Variants in CD99 observed in about 807,000 individuals in gnomAD.
CD99 encodes CD99 molecule (Xg blood group).
Under a neutral mutation model 28.4 loss-of-function variants are expected in CD99, and 19 were observed. That is an observed-to-expected ratio of 0.67 (90% confidence interval 0.47 to 0.98). CD99 has a LOEUF of 0.98. CD99 is among the 50% of genes least tolerant of loss of function. The pLI is 0.00. For missense variants in CD99, 283 were observed against 248.8 expected, an observed-to-expected ratio of 1.14 and a Z score of -0.92; for synonymous variants, 103 against 92.1, an observed-to-expected ratio of 1.12 and a Z score of -0.67.
chrX:2,725,312 C>G lies in CD99; in HGVS notation c.362-948C>G, dbSNP rs2049217097. Among the ~76,000 whole-genome samples, 6 of 151,890 alleles carry G rather than the reference C, an allele frequency of 4.0e-5. No homozygotes were observed. The South Asian group carries it at 1.3e-3, about 32-fold the overall frequency. ...ACTCGGAAGGCTGAAGTGGGAGGAT[C>G]TCATGAGCCCAGGAGTTTGAGATTG... On this transcript the variant is annotated intron_variant, in intron 7 of 9. Coordinates refer to ENST00000381192, the MANE Select transcript of CD99 (RefSeq NM_002414.5).
Position 2,717,044 on chromosome X carries a change from C to G in CD99, c.101-561C>G, listed in dbSNP as rs771894591. On this transcript the variant is annotated intron_variant, in intron 2 of 9. Coordinates refer to ENST00000381192, the MANE Select transcript of CD99 (RefSeq NM_002414.5). ...CTTATGTCTCAGTCATAGTCCCATT[C>G]AACGTCAAGAAGTGGAGAAGGGCTG... Among the ~76,000 whole-genome samples, 71 of 152,240 alleles carry G rather than the reference C, an allele frequency of 4.7e-4. 1 individual carries two copies. The highest frequency in any genetic ancestry group is 1.2e-3 in the African/African-American group (51 of 41,572).
intron 8 of CD99, chrX:2,737,867 T>A (rs2050023704): frequency 2.1e-6 from 1 of 481,374 alleles, no homozygotes. Flanking sequence ...CACGTACTTT[T>A]TTTTTTTTTA....
rs535712341 is a variant in CD99, at chrX:2,695,409, T to G, written c.67+3982T>G. On this transcript the variant is annotated intron_variant, in intron 1 of 9. Transcript: ENST00000381192. ...TAGTAGAGAAGGGGTTTCACTATGT[T>G]GACCAGGCTGAAAAATATTTTTTTG... Among the ~76,000 whole-genome samples, 8 of 152,138 alleles carry G rather than the reference T, an allele frequency of 5.3e-5. No homozygotes were observed. In the East Asian group the frequency reaches 1.5e-3, roughly 29 times the overall value.
At chrX:2,705,729 C>T (rs2048081164) in intron 1 of CD99, among the ~76,000 whole-genome samples, 1 of 152,094 alleles carries the variant, frequency 6.6e-6, no homozygotes, top group Non-Finnish European at 1.5e-5. Context: ...CGCTTTGTGC[C>T]CTGTGACCGA....
At chrX:2,718,711 C>T (rs954928386) in intron 3 of CD99, among the ~76,000 whole-genome samples, 2 of 152,142 alleles carry the variant, frequency 1.3e-5, no homozygotes, top group South Asian at 2.1e-4. Context: ...ACGAGGTCCA[C>T]GTGATGGAAT....
At chrX:2,732,268 C>T (rs1436849900) in intron 8 of CD99, among the ~76,000 whole-genome samples, 1 of 152,044 alleles carries the variant, frequency 6.6e-6, no homozygotes, top group Non-Finnish European at 1.5e-5. Context: ...GACCACTAAC[C>T]ACACGGAGCC....
rs1227133906 is a variant in CD99 at position 2,720,420 on chromosome X, C to T, written c.258C>T (p.Ser86=). ...ATCCAAACCCCAACCACCCTAGTTC[C>T]TCCGGTAAGAGTCTCTGACCCTGTG... ...MPNPNPNHPS[S]SGSFSDADLA... Residue 86 remains serine (S), a synonymous_variant, in exon 5 of 10, where the codon TCC becomes TCT. Transcript: ENST00000381192. 17 of 1,613,564 alleles carry T rather than the reference C, an allele frequency of 1.1e-5. No homozygotes were observed. Among genetic ancestry groups the T allele is most frequent in the Non-Finnish European group, 1.4e-5 (17 of 1,179,724 alleles).
intron 8 of CD99, among the ~76,000 whole-genome samples, chrX:2,735,711 C>A (rs1263047622): frequency 5.3e-5 from 8 of 152,150 alleles, no homozygotes. Flanking sequence ...TTGTGACTGG[C>A]AGAACAAATG....
chrX:2,726,147 G>A (rs1240179309), intron 7 of CD99, 113 bp from the exon 8 acceptor site: 1 of 670,938 alleles, frequency 1.5e-6, no homozygotes, highest in Non-Finnish European at 2.7e-6. Context: ...CGTCTGAGAT[G>A]TTCTGAGGAT....
At chrX:2,727,115 C>A (rs1208116103) in intron 8 of CD99, among the ~76,000 whole-genome samples, 1 of 152,150 alleles carries the variant, frequency 6.6e-6, no homozygotes, top group Admixed American at 6.5e-5. Context: ...CCAGCCTGGG[C>A]GACAGAGTGA....
At chrX:2,716,394 T>C (rs2048720564) in intron 2 of CD99, among the ~76,000 whole-genome samples, 2 of 151,904 alleles carry the variant, frequency 1.3e-5, no homozygotes, top group African/African-American at 2.4e-5. Context: ...TGGAGTGCAG[T>C]GTTGGGATCT....
chrX:2,731,181 T>C (rs1235798625), intron 8 of CD99, among the ~76,000 whole-genome samples: 1 of 152,208 alleles, frequency 6.6e-6, no homozygotes, highest in Non-Finnish European at 1.5e-5. Flanking sequence ...GGCAGGATTT[T>C]GCTTTATGGG....
intron 1 of CD99, among the ~76,000 whole-genome samples, chrX:2,696,989 C>G (rs2047606593): frequency 6.6e-6 from 1 of 152,190 alleles, no homozygotes; most frequent in Non-Finnish European, 1.5e-5. Flanking sequence ...CCCCCAGAGT[C>G]AGATTCAAAC....
chrX:2,730,747 G>A (rs2049555856), intron 8 of CD99, among the ~76,000 whole-genome samples: 2 of 151,960 alleles, frequency 1.3e-5, no homozygotes, highest in African/African-American at 4.8e-5. Context: ...AGCAAGAGAT[G>A]GTGAAACCCC....
rs1445257656 is a variant in CD99, at chrX:2,709,708, A to ACACATGCATGTACATAGACACG, written c.68-4693_68-4672dup. Among the ~76,000 whole-genome samples the ACACATGCATGTACATAGACACG allele has an allele frequency of 3.0e-4, 46 of 152,250 alleles. 1 individual carries two copies. Among genetic ancestry groups the ACACATGCATGTACATAGACACG allele is most frequent in the South Asian group, 1.7e-3 (8 of 4,824 alleles). ...CGCGCACATGCATGAACATAGACACACACATGCATGTACATAGACACGCAC... is the reference window on the plus strand; with the variant it reads ...CGCGCACATGCATGAACATAGACACACACATGCATGTACATAGACACGCACATGCATGTACATAGACACGCAC... On this transcript the variant is annotated intron_variant, in intron 1 of 9. Coordinates refer to ENST00000381192, the MANE Select transcript of CD99 (RefSeq NM_002414.5).
intron 8 of CD99, chrX:2,727,251 G>T (rs760977014): frequency 1.3e-6 from 1 of 771,684 alleles, no homozygotes; most frequent in Non-Finnish European, 2.4e-6. Context: ...AATTTACAGG[G>T]GAATTAGGAG....
At chrX:2,718,516 C>T (rs1041650904) in intron 3 of CD99, among the ~76,000 whole-genome samples, 9 of 152,176 alleles carry the variant, frequency 5.9e-5, no homozygotes, top group Admixed American at 4.6e-4. Context: ...CTACAGGCAG[C>T]GGCCACCACG....
rs373200665 is a variant in CD99 at position 2,738,295 on chromosome X, A to T, written c.532+39A>T. 4.4e-6 allele frequency: 7 copies of T among 1,597,860 alleles called. No individual in the cohort carries two copies. In the Middle Eastern group the frequency reaches 5.5e-4, roughly 125 times the overall value. On this transcript the variant is annotated intron_variant, in intron 9 of 9. Coordinates refer to ENST00000381192, the MANE Select transcript of CD99 (RefSeq NM_002414.5). ...GGAACGATGGCTTGCACACGTGGCCAGTGTTCCCATTTTATCTTCTCCATC... is the reference window on the plus strand; with the variant it reads ...GGAACGATGGCTTGCACACGTGGCCTGTGTTCCCATTTTATCTTCTCCATC...
chrX:2,706,322 C>T lies in CD99; in HGVS notation c.68-8100C>T, dbSNP rs780051157. ...TTGCAGTGAGCCAAAATCGGGCCAC[C>T]GCACTCCAGCCTGGGTGACACAGAG... On this transcript the variant is annotated intron_variant, in intron 1 of 9. Transcript: ENST00000381192. Among the ~76,000 whole-genome samples the T allele has an allele frequency of 1.5e-3, 228 of 152,152 alleles. 1 individual carries two copies. The highest frequency in any genetic ancestry group is 5.1e-3 in the African/African-American group (210 of 41,498).
Sources: allele counts gnomAD v4.1 joint callset (sites outside exome capture counted in the v4.1 genomes callset), GRCh38; gene constraint gnomAD v4.1.1; transcripts MANE v1.5; gene names NCBI Gene and HGNC (gene_info 2026-07-23, HGNC 2026-07-21).